Variants in COL11A1 observed in about 807,000 individuals in gnomAD.
COL11A1 encodes collagen alpha-1(XI) chain.
In COL11A1, 74 loss-of-function variants were observed where a neutral mutation model predicts 265.2. The ratio of observed to expected loss-of-function variants is 0.28; its 90% CI spans 0.23 to 0.34. The LOEUF (loss-of-function observed/expected upper bound fraction) is 0.34, where lower values mean the gene tolerates loss of function less well. Among genes scored for constraint, COL11A1 ranks in the 10% least tolerant of loss-of-function variants. The probability of loss-of-function intolerance (pLI) is 1.00; values close to 1 mark genes in which losing one functional copy is unlikely to be tolerated. For missense variants in COL11A1, 2,165 were observed against 2,263.6 expected (o/e 0.96, Z 0.88); for synonymous variants, 816 against 727.6 (o/e 1.12, Z -1.96).
intron 42 of COL11A1, 80 bp downstream of exon 42, chr1:102,946,769 A>G (rs1659330285): frequency 3.5e-6 from 4 of 1,145,024 alleles, no homozygotes; most frequent in South Asian, 1.3e-5. Context: ...GTGGTGTATG[A>G]AAAGCTAATA....
At chr1:102,960,791 T>A (rs1477919013) in intron 41 of COL11A1, among the ~76,000 whole-genome samples, 6 of 151,542 alleles carry the variant, frequency 4.0e-5, no homozygotes, top group East Asian at 1.9e-4. Context: ...TGAAGATGAC[T>A]TGCTGGCTAG....
In COL11A1 at chr1:102,889,383, C is replaced by CTGTGTGTGTGTGTGTGTGTGTGTG. The variant is rs113226085; in HGVS notation, c.4464+48_4464+71dup. On this transcript the variant is annotated intron_variant, in intron 59 of 66. Coordinates refer to ENST00000370096, the MANE Select transcript of COL11A1 (RefSeq NM_001854.4). Reference sequence around the variant, plus strand: ...TCTTTCTTTGATCATACTTAAAGGACTGTGTGTGTGTGTGTGTGTGTGTGT... The same window carrying CTGTGTGTGTGTGTGTGTGTGTGTG: ...TCTTTCTTTGATCATACTTAAAGGACTGTGTGTGTGTGTGTGTGTGTGTGTGTGTGTGTGTGTGTGTGTGTGTGT... The CTGTGTGTGTGTGTGTGTGTGTGTG allele has an allele frequency of 3.5e-5, 28 of 800,058 alleles. No individual in the cohort carries two copies. The African/African-American group carries it at 4.1e-4, about 12-fold the overall frequency. 49.6% of individuals were successfully genotyped at this position (800,058 alleles called of 1,614,324 possible). A position where few individuals can be genotyped will look rare whatever the true frequency, so the allele number is the denominator to read the frequency against.
Position 103,068,402 on chromosome 1 carries a change from T to C in COL11A1, c.651+6216A>G, listed in dbSNP as rs570917896. Reference sequence around the variant, plus strand: ...GCGTTTTATAAAATTTAGTACATGTTCTTGATAACAAATATTTAGGAAACT... The same window carrying C: ...GCGTTTTATAAAATTTAGTACATGTCCTTGATAACAAATATTTAGGAAACT... On this transcript the variant is annotated intron_variant, in intron 4 of 66. Transcript: ENST00000370096. Among the ~76,000 whole-genome samples the C allele has an allele frequency of 3.8e-3, 581 of 151,760 alleles. 4 individuals carry two copies. Among genetic ancestry groups the C allele is most frequent in the African/African-American group, 0.013 (549 of 41,524 alleles).
At chr1:103,099,482 T>A (rs1044477923) in intron 1 of COL11A1, among the ~76,000 whole-genome samples, 1 of 149,074 alleles carries the variant, frequency 6.7e-6, no homozygotes, top group Non-Finnish European at 1.5e-5. Context: ...TATATATATA[T>A]TATATATGGA....
rs1336005236 is a variant in COL11A1 at position 102,998,517 on chromosome 1, G to A, written c.2143-154C>T. Among the ~76,000 whole-genome samples, 4 of 151,936 alleles carry A rather than the reference G, an allele frequency of 2.6e-5. No individual in the cohort carries two copies. The South Asian group carries it at 8.3e-4, about 32-fold the overall frequency. ...TAACTTTTAAATATATTATTTGGAG[G>A]AAATGCCATGTAAAGATAAATTAAA... On this transcript the variant is annotated intron_variant, in intron 24 of 66. Transcript: ENST00000370096.
chr1:103,058,758 C>T (rs931069583), intron 4 of COL11A1, among the ~76,000 whole-genome samples: 1 of 152,168 alleles, frequency 6.6e-6, no homozygotes, highest in Non-Finnish European at 1.5e-5. Context: ...AAACATTTAT[C>T]ACTTAAGTTT....
At chr1:103,022,046 G>A (rs1176183669) in intron 8 of COL11A1, among the ~76,000 whole-genome samples, 1 of 148,596 alleles carries the variant, frequency 6.7e-6, no homozygotes, top group African/African-American at 2.5e-5. Flanking sequence ...AGTAGAGATC[G>A]GTTTTCGCCG....
intron 4 of COL11A1, among the ~76,000 whole-genome samples, chr1:103,048,185 C>T (rs1359765697): frequency 6.6e-6 from 1 of 152,128 alleles, no homozygotes; most frequent in Non-Finnish European, 1.5e-5. Flanking sequence ...ATGGTACCAG[C>T]TCCTCCTTGT....
At chr1:102,999,932 T>A (rs990030687) in intron 24 of COL11A1, among the ~76,000 whole-genome samples, 2 of 151,878 alleles carry the variant, frequency 1.3e-5, no homozygotes, top group Admixed American at 6.6e-5. Flanking sequence ...TATTTTTGAG[T>A]ACCTTTCTCC....
intron 41 of COL11A1, among the ~76,000 whole-genome samples, chr1:102,953,588 A>C (rs1178030348): frequency 6.6e-6 from 1 of 152,234 alleles, no homozygotes; most frequent in East Asian, 1.9e-4. Flanking sequence ...AAAAAGTATA[A>C]ATGTAATAGA....
intron 4 of COL11A1, among the ~76,000 whole-genome samples, chr1:103,038,523 T>A (rs967454543): frequency 1.3e-5 from 2 of 151,756 alleles, no homozygotes; most frequent in Admixed American, 1.3e-4. Context: ...TGCAGCACAT[T>A]AGAGGGAAGG....
intron 8 of COL11A1, 59 bp downstream of exon 8, chr1:103,022,683 G>C: frequency 6.2e-7 from 1 of 1,600,594 alleles, no homozygotes; most frequent in Non-Finnish European, 8.6e-7. Flanking sequence ...GATGGACATG[G>C]ACATAAAAAT....
intron 41 of COL11A1, among the ~76,000 whole-genome samples, chr1:102,954,169 AC>A (rs904130063): frequency 6.6e-6 from 1 of 152,132 alleles, no homozygotes; most frequent in Non-Finnish European, 1.5e-5. Context: ...ACCTTTCTTT[AC>A]TTGTGTATTA....
chr1:103,020,250 G>T (rs1241212635), intron 9 of COL11A1, among the ~76,000 whole-genome samples: 1 of 144,058 alleles, frequency 6.9e-6, no homozygotes, highest in African/African-American at 2.6e-5. Context: ...TCCAGCACCT[G>T]TTGTTTCCTG....
chr1:103,098,544 A>G (rs1461426717), intron 1 of COL11A1, among the ~76,000 whole-genome samples: 1 of 151,856 alleles, frequency 6.6e-6, no homozygotes, highest in Non-Finnish European at 1.5e-5. Flanking sequence ...TCTTGACTTT[A>G]TTGAAAATAT....
chr1:103,078,434 C>A (rs953487937), intron 3 of COL11A1, among the ~76,000 whole-genome samples: 2 of 152,106 alleles, frequency 1.3e-5, no homozygotes, highest in African/African-American at 2.4e-5. Context: ...TTTTCTTTCA[C>A]ACTTATTACC....
At chr1:103,097,914 A>G (rs1673914886) in intron 1 of COL11A1, among the ~76,000 whole-genome samples, 3 of 151,984 alleles carry the variant, frequency 2.0e-5, no homozygotes, top group South Asian at 4.1e-4. Flanking sequence ...AACAGACTCA[A>G]TCCTGAACTT....
intron 30 of COL11A1, among the ~76,000 whole-genome samples, chr1:102,987,135 A>C (rs962444079): frequency 9.9e-5 from 15 of 152,066 alleles, no homozygotes; most frequent in African/African-American, 3.6e-4. Flanking sequence ...GAGGGCATAG[A>C]AGACTAGAAA....
At chr1:103,014,880 A>T (rs906377189) in intron 12 of COL11A1, among the ~76,000 whole-genome samples, 7 of 151,934 alleles carry the variant, frequency 4.6e-5, no homozygotes, top group Admixed American at 4.6e-4. Flanking sequence ...AACCATTGTG[A>T]CTTTTTTTTA....
Sources: allele counts gnomAD v4.1 joint callset (sites outside exome capture counted in the v4.1 genomes callset), GRCh38; gene constraint gnomAD v4.1.1; transcripts MANE v1.5; gene names NCBI Gene and HGNC (gene_info 2026-07-23, HGNC 2026-07-21).